NUDT5: variants seen among roughly 807,000 people sequenced by gnomAD.
NUDT5 encodes ADP-sugar pyrophosphatase.
NUDT5 carries 21 observed loss-of-function variants against 34.1 expected under a neutral mutation model. That is an observed-to-expected ratio of 0.62 (90% CI 0.44 to 0.89). The LOEUF (loss-of-function observed/expected upper bound fraction) is 0.89. Among genes scored for constraint, NUDT5 ranks in the 40% least tolerant of loss-of-function variants. NUDT5 has a pLI of 0.00. For synonymous variants in NUDT5, 85 were observed against 97.6 expected (o/e 0.87, Z 0.76); for missense variants, 249 against 274.8 (o/e 0.91, Z 0.66).
At chr10:12,193,528 C>T (rs1381277041) in intron 1 of NUDT5, among the ~76,000 whole-genome samples, 1 of 152,182 alleles carries the variant, frequency 6.6e-6, no homozygotes, top group East Asian at 1.9e-4. Flanking sequence ...ATTGGAGAAA[C>T]TTGATGAATA....
rs946725070 is a variant in NUDT5, at chr10:12,182,455, C to T, written c.131+2434G>A. The stretch of plus-strand genomic sequence containing the variant: ...CAAAGACTCATTCTTCAAAGGGTGA[C>T]ATTCTGGTATAAAATATTAGTGCTT... On this transcript the variant is annotated intron_variant, in intron 3 of 9. Transcript: ENST00000491614. This position sits in a 1 kb window ranked among gnomAD's most constrained non-coding sequence, Gnocchi z 4.3. Among the ~76,000 whole-genome samples the T allele has an allele frequency of 1.3e-5, 2 of 152,150 alleles. No homozygotes were observed. Among genetic ancestry groups the T allele is most frequent in the African/African-American group, 4.8e-5 (2 of 41,432 alleles).
chr10:12,183,860 C>G (rs947726742), intron 3 of NUDT5, among the ~76,000 whole-genome samples: 1 of 152,122 alleles, frequency 6.6e-6, no homozygotes, highest in Non-Finnish European at 1.5e-5. Flanking sequence ...TCCCATATTG[C>G]TAGGTTGTCT....
rs1834890748 is a variant in NUDT5, at chr10:12,173,262, G to C, written c.386-396C>G. Among the ~76,000 whole-genome samples, 1 of 152,204 alleles carries C rather than the reference G, an allele frequency of 6.6e-6. No homozygotes were observed. The highest frequency in any genetic ancestry group is 6.5e-5 in the Admixed American group (1 of 15,286). ...CACTTTGCTCTTATTGCCCAGGATG[G>C]AGTGCACTGGCGTGATCTTGGCTCA... On this transcript the variant is annotated intron_variant, in intron 6 of 9. Transcript: ENST00000491614. The surrounding 1 kb of genome is among the most constrained non-coding windows in gnomAD (Gnocchi z 4.7).
chr10:12,190,205 T>C (rs764587371), intron 1 of NUDT5, among the ~76,000 whole-genome samples: 1 of 152,228 alleles, frequency 6.6e-6, no homozygotes, highest in Non-Finnish European at 1.5e-5. Flanking sequence ...TACAATTTCA[T>C]TTATGATTTT....
chr10:12,188,557 CCT>C (rs201984219), intron 1 of NUDT5, among the ~76,000 whole-genome samples: 2,679 of 152,024 alleles, frequency 0.018, 72 homozygotes, highest in East Asian at 0.11. Context: ...ATGGTGAAAC[CCT>C]GTCTCTACTA....
At chr10:12,177,946 G>C (rs746822370) in intron 4 of NUDT5, 46 bp from the exon 5 acceptor site, 6 of 1,389,086 alleles carry the variant, frequency 4.3e-6, no homozygotes, top group Non-Finnish European at 5.1e-6. Context: ...TGAGAGGTCA[G>C]CAATGCCAGC....
At position 12,167,304 on chromosome 10, in the gene NUDT5, A is replaced by G. The variant is rs1834726110; in HGVS notation, c.*398T>C. ...TTAAACACTAACGGAGTACATGGTT[A>G]TTTGCATACCCAGCTTAGAATTTTA... is the stretch of plus-strand genomic sequence containing the variant. On this transcript the variant is annotated 3_prime_UTR_variant, in exon 10 of 10. Coordinates refer to ENST00000491614, the MANE Select transcript of NUDT5 (RefSeq NM_014142.4). 3 of 173,338 alleles carry G rather than the reference A, an allele frequency of 1.7e-5. No homozygotes were observed. The highest frequency in any genetic ancestry group is 1.7e-4 in the Admixed American group (3 of 18,084). 10.7% of individuals were successfully genotyped at this position (173,338 alleles called of 1,614,324 possible).
In NUDT5 at chr10:12,167,597, G is replaced by A. The variant is rs940318723; in HGVS notation, c.*105C>T. 2.2e-5 allele frequency: 25 copies of A among 1,129,986 alleles called. No homozygotes were observed. The highest frequency in any genetic ancestry group is 3.0e-5 in the Non-Finnish European group (23 of 774,776). 70.0% of individuals were successfully genotyped at this position (1,129,986 alleles called of 1,614,324 possible). ...CATCTGTTCTGTGCTTTTATTTTAC[G>A]AAAAAGCTAATGGCAAATCTACATT... is the stretch of plus-strand genomic sequence containing the variant. On this transcript the variant is annotated 3_prime_UTR_variant, in exon 10 of 10. Coordinates refer to ENST00000491614, the MANE Select transcript of NUDT5 (RefSeq NM_014142.4).
Position 12,170,991 on chromosome 10 carries a change from G to A in NUDT5, c.488-83C>T. ...ACTTTTATACAAGAGGCGTCAAAAA[G>A]GCTTTGAGAATTTCACAGAAGCCTG... On this transcript the variant is annotated intron_variant, in intron 7 of 9. Transcript: ENST00000491614. This position sits in a 1 kb window ranked among gnomAD's most constrained non-coding sequence, Gnocchi z 4.9. 1 of 1,458,000 alleles carries A rather than the reference G, an allele frequency of 6.9e-7. No individual in the cohort carries two copies. 90.3% of individuals were successfully genotyped at this position (1,458,000 alleles called of 1,614,324 possible).
At chr10:12,186,109 G>C in intron 2 of NUDT5, 120 bp downstream of exon 2, 3 of 840,376 alleles carry the variant, frequency 3.6e-6, no homozygotes, top group African/African-American at 1.7e-5. Context: ...AAGGGAGTAG[G>C]AAAAATCTTT....
Position 12,173,770 on chromosome 10 carries a change from C to T in NUDT5, c.333G>A (p.Arg111=), listed in dbSNP as rs1180077366. ...TGTAGCCAGTTTCTTCTTCAAGCTC[C>T]CGGAGAGCAGCTGCTTCTGGGGTTT... is the stretch of plus-strand genomic sequence containing the variant. ...DGETPEAAAL[R]ELEEETGYKG... is the part of the protein sequence containing the mutation. Residue 111 remains arginine (R), a synonymous_variant, in exon 6 of 10, where the codon CGG becomes CGA. Coordinates refer to ENST00000491614, the MANE Select transcript of NUDT5 (RefSeq NM_014142.4). The surrounding 1 kb of genome is among the most constrained non-coding windows in gnomAD (Gnocchi z 4.7). 6.2e-7 allele frequency: 1 copy of T among 1,613,998 alleles called. No individual in the cohort carries two copies. Among genetic ancestry groups the T allele is most frequent in the East Asian group, 2.2e-5 (1 of 44,904 alleles).
chr10:12,169,339 G>C lies in NUDT5; in HGVS notation c.550+1378C>G, dbSNP rs570855625. 2 of 1,538,946 alleles carry C rather than the reference G, an allele frequency of 1.3e-6. No individual in the cohort carries two copies. The highest frequency in any genetic ancestry group is 2.0e-5 in the Admixed American group (1 of 50,222). On this transcript the variant is annotated intron_variant, in intron 9 of 9. Transcript: ENST00000491614. The surrounding 1 kb of genome is among the most constrained non-coding windows in gnomAD (Gnocchi z 4.8). The stretch of plus-strand genomic sequence containing the variant: ...TACTCTTCTACTAAAAGATAACCCC[G>C]CACGGCATTTCACACTTGCCTACGT...
intron 3 of NUDT5, 39 bp from the exon 4 acceptor site, chr10:12,179,171 C>G: frequency 6.4e-7 from 1 of 1,571,180 alleles, no homozygotes; most frequent in Non-Finnish European, 8.7e-7. Context: ...ATTAGTGCTA[C>G]AGAAGAGAAT....
chr10:12,185,397 A>T (rs1226615734), intron 2 of NUDT5, among the ~76,000 whole-genome samples: 1 of 152,248 alleles, frequency 6.6e-6, no homozygotes, highest in African/African-American at 2.4e-5. Flanking sequence ...GTGATGACAC[A>T]GGAAGGCGGA....
chr10:12,193,064 C>G (rs958974379), intron 1 of NUDT5, among the ~76,000 whole-genome samples: 6 of 152,068 alleles, frequency 3.9e-5, no homozygotes, highest in African/African-American at 1.4e-4. Context: ...AAAATCCTCA[C>G]ATTTAATGCT....
chr10:12,187,111 T>TA lies in NUDT5; in HGVS notation c.-41-780dup, dbSNP rs1447918850. 1.6e-4 allele frequency among the ~76,000 whole-genome samples: 25 copies of TA among 152,056 alleles called. No individual in the cohort carries two copies. Among genetic ancestry groups the TA allele is most frequent in the Non-Finnish European group, 2.9e-4 (20 of 68,010 alleles). Reference sequence around the variant, plus strand: ...GCAGTGGCGAAATCATGGCTCACTGTAGCCTCTACCTCCCAAGCTCACGTG... The same window carrying TA: ...GCAGTGGCGAAATCATGGCTCACTGTAAGCCTCTACCTCCCAAGCTCACGTG... On this transcript the variant is annotated intron_variant, in intron 1 of 9. Coordinates refer to ENST00000491614, the MANE Select transcript of NUDT5 (RefSeq NM_014142.4). The surrounding 1 kb of genome is among the most constrained non-coding windows in gnomAD (Gnocchi z 5.4).
Position 12,173,457 on chromosome 10 carries a change from C to T in NUDT5, c.385+261G>A, listed in dbSNP as rs547796882. ...ACCTCAGGTGATCCACCTGCCTCGGCCTCCCAAAGTGCTGGGATTACAGGC... is the reference window on the plus strand; with the variant it reads ...ACCTCAGGTGATCCACCTGCCTCGGTCTCCCAAAGTGCTGGGATTACAGGC... On this transcript the variant is annotated intron_variant, in intron 6 of 9. Transcript: ENST00000491614. The surrounding 1 kb of genome is among the most constrained non-coding windows in gnomAD (Gnocchi z 4.7). Among the ~76,000 whole-genome samples, 1 of 152,330 alleles carries T rather than the reference C, an allele frequency of 6.6e-6. No homozygotes were observed. The highest frequency in any genetic ancestry group is 2.4e-5 in the African/African-American group (1 of 41,580).
rs1834859650 is a variant in NUDT5, at chr10:12,171,715, A to C, written c.488-807T>G. ...TATTTATTTATTTATTTATTTATTT[A>C]TTTATTTATTTATTTATTTATTTTT... On this transcript the variant is annotated intron_variant, in intron 7 of 9. Coordinates refer to ENST00000491614, the MANE Select transcript of NUDT5 (RefSeq NM_014142.4). The surrounding 1 kb of genome is among the most constrained non-coding windows in gnomAD (Gnocchi z 4.2). Among the ~76,000 whole-genome samples, 1 of 150,136 alleles carries C rather than the reference A, an allele frequency of 6.7e-6. No individual in the cohort carries two copies. Among genetic ancestry groups the C allele is most frequent in the Non-Finnish European group, 1.5e-5 (1 of 67,624 alleles).
chr10:12,166,642 G>A lies in NUDT5; in HGVS notation c.*1060C>T. 2.2e-6 allele frequency: 1 copy of A among 454,438 alleles called. No homozygotes were observed. Among genetic ancestry groups the A allele is most frequent in the Non-Finnish European group, 4.5e-6 (1 of 221,042 alleles). 28.2% of individuals were successfully genotyped at this position (454,438 alleles called of 1,614,324 possible). A position where few individuals can be genotyped will look rare whatever the true frequency, so the allele number is the denominator to read the frequency against. On this transcript the variant is annotated 3_prime_UTR_variant, in exon 10 of 10. Transcript: ENST00000491614. ...CTCAGGGCCTGGCTTACCCGCTGGA[G>A]CCAGGCTAGAAACATGACTTAGGGC...
Sources: gnomAD v4.1 joint callset for allele counts (sites outside exome capture counted in the v4.1 genomes callset) on GRCh38, gnomAD v4.1.1 for gene constraint, Gnocchi (gnomAD v3.1) non-coding constraint, MANE v1.5 for transcripts, NCBI Gene and HGNC (gene_info 2026-07-23, HGNC 2026-07-21) for gene names.